Variants in CEMIP observed in about 807,000 individuals in gnomAD.
CEMIP encodes cell migration inducing hyaluronidase 1, also known as cell migration-inducing and hyaluronan-binding protein.
In CEMIP, 105 loss-of-function variants were observed where a neutral mutation model predicts 156.9. The ratio of observed to expected loss-of-function variants is 0.67; its 90% CI spans 0.57 to 0.79. CEMIP has a LOEUF of 0.79. Among genes scored for constraint, CEMIP ranks in the 30% least tolerant of loss-of-function variants. The probability of loss-of-function intolerance (pLI) is 0.00; values close to 1 mark genes in which losing one functional copy is unlikely to be tolerated. For synonymous variants in CEMIP, 676 were observed against 668.4 expected (o/e 1.01, Z -0.17); for missense variants, 1,457 against 1,769.4 (o/e 0.82, Z 3.17).
intron 1 of CEMIP, among the ~76,000 whole-genome samples, chr15:80,784,690 G>T (rs1486727032): frequency 1.3e-5 from 2 of 152,176 alleles, no homozygotes; most frequent in Non-Finnish European, 2.9e-5. Context: ...TTAGACCAGT[G>T]CTTCTTAGAC....
intron 1 of CEMIP, among the ~76,000 whole-genome samples, chr15:80,840,894 C>T (rs545248379): frequency 5.3e-5 from 8 of 152,326 alleles, no homozygotes; most frequent in African/African-American, 1.9e-4. Context: ...TCGGGCTTCC[C>T]ACCATGCAGC....
At chr15:80,786,521 C>A (rs1895942641) in intron 1 of CEMIP, among the ~76,000 whole-genome samples, 1 of 150,026 alleles carries the variant, frequency 6.7e-6, no homozygotes, top group Admixed American at 6.6e-5. Flanking sequence ...CCATTGCACC[C>A]AGCCTGCTAT....
rs113155413 is a variant in CEMIP, at chr15:80,938,433, C to T, written c.3407+454C>T. Among the ~76,000 whole-genome samples, 773 of 152,154 alleles carry T rather than the reference C, an allele frequency of 5.1e-3. 7 individuals are homozygous for T. Among genetic ancestry groups the T allele is most frequent in the South Asian group, 0.019 (91 of 4,814 alleles). ...CAGCCTGGCCAACATGGTGAAACCC[C>T]GTCTCTACTAAAAATACAAAAATTA... On this transcript the variant is annotated intron_variant, in intron 25 of 29. Transcript: ENST00000394685.
chr15:80,925,465 A>C (rs557949942), intron 18 of CEMIP, among the ~76,000 whole-genome samples, 159 bp from the exon 19 acceptor site: 1 of 152,168 alleles, frequency 6.6e-6, no homozygotes, highest in Non-Finnish European at 1.5e-5. Context: ...TGAACTCAGA[A>C]AGTTCATTCA....
chr15:80,791,180 G>A (rs1194462087), intron 1 of CEMIP, among the ~76,000 whole-genome samples: 3 of 152,134 alleles, frequency 2.0e-5, no homozygotes, highest in Non-Finnish European at 2.9e-5. Context: ...ATAAAGGTGG[G>A]GCAGGGCTGT....
rs568707856 is a variant in CEMIP, at chr15:80,793,635, A to C, written c.-176+14021A>C. Among the ~76,000 whole-genome samples, 399 of 152,330 alleles carry C rather than the reference A, an allele frequency of 2.6e-3. 4 individuals carry two copies. Among genetic ancestry groups the C allele is most frequent in the African/African-American group, 9.1e-3 (377 of 41,582 alleles). ...TCTGAGGTCAAACAAGTTTGAGACA[A>C]ACTGGGATAAACAAAGTTGACCTGT... On this transcript the variant is annotated intron_variant, in intron 1 of 29. Transcript: ENST00000394685.
chr15:80,854,638 C>T lies in CEMIP; in HGVS notation c.-175-18900C>T, dbSNP rs1254866708. ...AAGAGAGTTAACTGCAAACCGGGTG[C>T]TTTCCTAAGCATTTTGTATATGTTA... On this transcript the variant is annotated intron_variant, in intron 1 of 29. Coordinates refer to ENST00000394685, the MANE Select transcript of CEMIP (RefSeq NM_001293298.2). Among the ~76,000 whole-genome samples, 7 of 152,204 alleles carry T rather than the reference C, an allele frequency of 4.6e-5. No homozygotes were observed. In the South Asian group the frequency reaches 6.2e-4, roughly 14 times the overall value.
intron 1 of CEMIP, among the ~76,000 whole-genome samples, chr15:80,845,443 C>A (rs1897529804): frequency 6.6e-6 from 1 of 152,050 alleles, no homozygotes; most frequent in Non-Finnish European, 1.5e-5. Context: ...AAAAAGTACC[C>A]AGAAATATAT....
At position 80,927,426 on chromosome 15, in the gene CEMIP, C is replaced by A. The variant is rs148777810; in HGVS notation, c.2421-1476C>A. Among the ~76,000 whole-genome samples the A allele has an allele frequency of 7.9e-5, 12 of 152,280 alleles. No individual in the cohort carries two copies. The South Asian group carries it at 1.9e-3, about 24-fold the overall frequency. Reference sequence around the variant, plus strand: ...GCACTACACAGAAGGTGGGTGGAAGCCCTGGGTTGAAGAGAAACTAGATGG... The same window carrying A: ...GCACTACACAGAAGGTGGGTGGAAGACCTGGGTTGAAGAGAAACTAGATGG... On this transcript the variant is annotated intron_variant, in intron 19 of 29. Coordinates refer to ENST00000394685, the MANE Select transcript of CEMIP (RefSeq NM_001293298.2).
chr15:80,780,743 G>T lies in CEMIP; in HGVS notation c.-176+1129G>T, dbSNP rs572129586. On this transcript the variant is annotated intron_variant, in intron 1 of 29. Transcript: ENST00000394685. ...AGTGATCCAGGGCGCGCCCGAGGGC[G>T]GGGAGCCGGCGGCTCTGCGTGCCCA... is the stretch of plus-strand genomic sequence containing the variant. Among the ~76,000 whole-genome samples, 32 of 152,352 alleles carry T rather than the reference G, an allele frequency of 2.1e-4. No homozygotes were observed. The South Asian group carries it at 5.0e-3, about 24-fold the overall frequency.
chr15:80,792,518 T>A (rs1896106748), intron 1 of CEMIP, among the ~76,000 whole-genome samples: 1 of 152,172 alleles, frequency 6.6e-6, no homozygotes, highest in South Asian at 2.1e-4. Context: ...TAAAATAGGA[T>A]GATTATATAT....
At chr15:80,868,346 G>T (rs142957677) in intron 1 of CEMIP, among the ~76,000 whole-genome samples, 35 of 152,276 alleles carry the variant, frequency 2.3e-4, no homozygotes, top group African/African-American at 7.9e-4. Context: ...TGAGAGATAG[G>T]CAGGGAGTGG....
chr15:80,836,997 C>T (rs953907844), intron 1 of CEMIP, among the ~76,000 whole-genome samples: 2 of 152,172 alleles, frequency 1.3e-5, no homozygotes, highest in African/African-American at 4.8e-5. Flanking sequence ...CTCCCAACTA[C>T]CAGAGCTGGC....
At chr15:80,828,131 C>T (rs2087799578) in intron 1 of CEMIP, among the ~76,000 whole-genome samples, 1 of 152,172 alleles carries the variant, frequency 6.6e-6, no homozygotes, top group South Asian at 2.1e-4. Context: ...ATAATCCTAG[C>T]ACTTTGGGAG....
chr15:80,930,457 CT>C (rs1185612324), intron 21 of CEMIP, among the ~76,000 whole-genome samples: 5 of 152,114 alleles, frequency 3.3e-5, no homozygotes, highest in African/African-American at 1.2e-4. Context: ...AAGTAGGAAC[CT>C]AAGAGCCTGC....
intron 1 of CEMIP, among the ~76,000 whole-genome samples, chr15:80,841,295 G>C (rs1897410099): frequency 6.6e-6 from 1 of 152,206 alleles, no homozygotes; most frequent in Non-Finnish European, 1.5e-5. Flanking sequence ...GCCAGTTAGT[G>C]ACCTCTACTC....
chr15:80,906,718 G>T lies in CEMIP; in HGVS notation c.1467G>T (p.Ala489=), dbSNP rs751583244. 6.2e-7 allele frequency: 1 copy of T among 1,614,202 alleles called. No homozygotes were observed. The highest frequency in any genetic ancestry group is 1.7e-5 in the Admixed American group (1 of 60,022). The part of the protein sequence containing the change: ...GEEIDGVDMR[A]EVGLLSRNII... Reference sequence around the variant, plus strand: ...AGATAGACGGCGTGGACATGCGGGCGGAGGTTGGGCTTCTGAGCCGGAACA... The same window carrying T: ...AGATAGACGGCGTGGACATGCGGGCTGAGGTTGGGCTTCTGAGCCGGAACA... The change falls in exon 13 of 30, where the codon GCG becomes GCT. Residue 489 remains alanine (A), a synonymous_variant. Coordinates refer to ENST00000394685, the MANE Select transcript of CEMIP (RefSeq NM_001293298.2). This position sits in a 1 kb window ranked among gnomAD's most constrained non-coding sequence, Gnocchi z 4.3.
At chr15:80,896,537 T>C (rs1368640399) in intron 12 of CEMIP, among the ~76,000 whole-genome samples, 1 of 152,270 alleles carries the variant, frequency 6.6e-6, no homozygotes, top group Non-Finnish European at 1.5e-5. Context: ...TAGACAGTTA[T>C]TCAATCTACT....
chr15:80,817,728 A>G (rs1251610826), intron 1 of CEMIP, among the ~76,000 whole-genome samples: 1 of 151,876 alleles, frequency 6.6e-6, no homozygotes, highest in Non-Finnish European at 1.5e-5. Context: ...GATGAGCGAG[A>G]ACTGCAATTT....
Sources: allele counts gnomAD v4.1 joint callset (sites outside exome capture counted in the v4.1 genomes callset), GRCh38; gene constraint gnomAD v4.1.1; non-coding constraint Gnocchi (gnomAD v3.1); transcripts MANE v1.5; gene names NCBI Gene and HGNC (gene_info 2026-07-23, HGNC 2026-07-21).